The following CAB39 variants were observed in gnomAD, a reference collection of about 807,000 sequenced individuals.
CAB39 encodes the protein calcium binding protein 39.
In CAB39, 8 loss-of-function variants were observed where a neutral mutation model predicts 40.0. That is an observed-to-expected ratio of 0.20 (90% confidence interval 0.12 to 0.36). The LOEUF is 0.36. CAB39 is among the 10% of genes least tolerant of loss of function. The probability of loss-of-function intolerance (pLI) is 1.00; values close to 1 mark genes in which losing one functional copy is unlikely to be tolerated. For synonymous variants in CAB39, 156 were observed against 141.6 expected (o/e 1.10, Z -0.72); for missense variants, 270 against 401.1 (o/e 0.67, Z 2.79).
chr2:230,775,407 T>G (rs2124937094), intron 2 of CAB39, among the ~76,000 whole-genome samples: 1 of 152,086 alleles, frequency 6.6e-6, no homozygotes, highest in South Asian at 2.1e-4. Flanking sequence ...AGCTAATTTT[T>G]GTGTTTTTAG....
intron 5 of CAB39, among the ~76,000 whole-genome samples, chr2:230,808,429 AAC>A (rs1189528269): frequency 6.6e-6 from 1 of 152,192 alleles, no homozygotes; most frequent in African/African-American, 2.4e-5. Flanking sequence ...ATCAGCCATA[AAC>A]ACACCACAAT....
rs115791712 is a variant in CAB39 at position 230,774,876 on chromosome 2, G to A, written c.114+14761G>A. Among the ~76,000 whole-genome samples, 422 of 152,176 alleles carry A rather than the reference G, an allele frequency of 2.8e-3. 3 individuals are homozygous for A. The highest frequency in any genetic ancestry group is 9.6e-3 in the African/African-American group (397 of 41,514). On this transcript the variant is annotated intron_variant, in intron 2 of 8. Transcript: ENST00000258418. The stretch of plus-strand genomic sequence containing the variant: ...TTTCTTTAGTAAAGAGGTGGGGGTT[G>A]GGGGAGGTAGAAAGCATTTATCACT...
intron 1 of CAB39, among the ~76,000 whole-genome samples, chr2:230,717,801 G>A (rs1694377869): frequency 1.3e-5 from 2 of 152,172 alleles, no homozygotes; most frequent in East Asian, 1.9e-4. Flanking sequence ...TAAAACAGAA[G>A]GGGTGAGGGG....
chr2:230,728,909 G>A lies in CAB39; in HGVS notation c.-44+15679G>A, dbSNP rs564945380. ...ATTACAGGCATGAAGCATTGCACCC[G>A]GCCCCAGATGCACATACAGAAGCCA... On this transcript the variant is annotated intron_variant, in intron 1 of 8. Transcript: ENST00000258418. 2.0e-5 allele frequency among the ~76,000 whole-genome samples: 3 copies of A among 152,182 alleles called. No homozygotes were observed. The East Asian group carries it at 5.8e-4, about 29-fold the overall frequency.
At chr2:230,815,835 G>A (rs554666791) in intron 7 of CAB39, among the ~76,000 whole-genome samples, 4 of 152,184 alleles carry the variant, frequency 2.6e-5, no homozygotes, top group Non-Finnish European at 5.9e-5. Context: ...CACATGGAGC[G>A]GCTTCAGCAC....
chr2:230,724,755 T>G (rs1694528605), intron 1 of CAB39, among the ~76,000 whole-genome samples: 1 of 150,446 alleles, frequency 6.6e-6, no homozygotes, highest in Non-Finnish European at 1.5e-5. Flanking sequence ...TTTAATCTTT[T>G]TTTTTTTTTT....
chr2:230,749,511 A>T (rs1376647234), intron 1 of CAB39, among the ~76,000 whole-genome samples: 1 of 152,188 alleles, frequency 6.6e-6, no homozygotes, highest in Non-Finnish European at 1.5e-5. Flanking sequence ...TGTTCTCACT[A>T]CCCATTATTA....
chr2:230,818,672 G>A lies in CAB39; in HGVS notation c.994G>A (p.Asp332Asn). The A allele has an allele frequency of 6.2e-7, 1 of 1,614,086 alleles. No individual in the cohort carries two copies. Among genetic ancestry groups the A allele is most frequent in the Non-Finnish European group, 8.5e-7 (1 of 1,179,966 alleles). The change falls in exon 9 of 9, where the codon GAT becomes AAT. Residue 332 changes from aspartate to asparagine, a missense_variant. Transcript: ENST00000258418. ...GACCTATTTAGTTAAACAGATCAGG[G>A]ATTTGAAGAGACCAGCTCAGCAAGA... ...EKTYLVKQIR[D>N]LKRPAQQEA
In CAB39 at chr2:230,781,080, C is replaced by CAA. The variant is rs113164632; in HGVS notation, c.115-9780_115-9779dup. 7.2e-4 allele frequency among the ~76,000 whole-genome samples: 101 copies of CAA among 140,826 alleles called. 5 individuals are homozygous for CAA. The East Asian group carries it at 0.016, about 22-fold the overall frequency. 92.4% of individuals were successfully genotyped at this position (140,826 alleles called of 152,430 possible). A position where few individuals can be genotyped will look rare whatever the true frequency, so the allele number is the denominator to read the frequency against. On this transcript the variant is annotated intron_variant, in intron 2 of 8. Transcript: ENST00000258418. ...TGGGCAACAGAGCTGGACCTGATCT[C>CAA]AAAAAAAAAAAAATTATCTCGGGGG...
Position 230,810,270 on chromosome 2 carries a change from T to A in CAB39, c.575T>A (p.Leu192His). The A allele has an allele frequency of 6.9e-7, 1 of 1,448,308 alleles. No individual in the cohort carries two copies. The highest frequency in any genetic ancestry group is 9.5e-7 in the Non-Finnish European group (1 of 1,057,402). 89.7% of individuals were successfully genotyped at this position (1,448,308 alleles called of 1,614,324 possible). A position where few individuals can be genotyped will look rare whatever the true frequency, so the allele number is the denominator to read the frequency against. ...SDAFATFKDL[L>H]TRHKLLSAEF... ...TTTTTTTTCTTTTTGTAGGATTTAC[T>A]TACAAGACATAAATTGCTCAGTGCA... The change falls in exon 6 of 9, where the codon CTT becomes CAT. Residue 192 changes from leucine to histidine, a missense_variant. Leu to His is a moderately conservative substitution (Grantham distance 99). Coordinates refer to ENST00000258418, the MANE Select transcript of CAB39 (RefSeq NM_016289.4).
intron 2 of CAB39, among the ~76,000 whole-genome samples, chr2:230,790,146 C>T (rs2124955996): frequency 6.6e-6 from 1 of 152,050 alleles, no homozygotes; most frequent in South Asian, 2.1e-4. Flanking sequence ...TCTTAGCTAC[C>T]CAGGAGGATC....
intron 1 of CAB39, among the ~76,000 whole-genome samples, chr2:230,742,751 T>A (rs1475409609): frequency 6.6e-6 from 1 of 152,092 alleles, no homozygotes; most frequent in East Asian, 1.9e-4. Context: ...ATTAAAATAA[T>A]TGATCAGAGG....
chr2:230,715,646 T>G (rs961779790), intron 1 of CAB39, among the ~76,000 whole-genome samples: 1 of 152,208 alleles, frequency 6.6e-6, no homozygotes, highest in African/African-American at 2.4e-5. Context: ...GATATAAGCA[T>G]AGAATATTTC....
chr2:230,766,833 T>C (rs1023982966), intron 2 of CAB39, among the ~76,000 whole-genome samples: 3 of 151,998 alleles, frequency 2.0e-5, no homozygotes, highest in Admixed American at 2.0e-4. Flanking sequence ...GGCCTGGGGG[T>C]TACATTTCAG....
intron 1 of CAB39, among the ~76,000 whole-genome samples, chr2:230,732,645 A>G (rs1694714400): frequency 6.6e-6 from 1 of 152,180 alleles, no homozygotes; most frequent in Non-Finnish European, 1.5e-5. Flanking sequence ...AAATCGCTCA[A>G]AGATTCAGTA....
intron 1 of CAB39, among the ~76,000 whole-genome samples, chr2:230,726,768 A>G (rs1280173810): frequency 6.6e-6 from 1 of 151,850 alleles, no homozygotes; most frequent in African/African-American, 2.4e-5. Flanking sequence ...TTGTTCACAT[A>G]GTGATTGGAA....
chr2:230,788,527 TTTGTGAAGAATCA>T, intron 2 of CAB39, among the ~76,000 whole-genome samples: 1 of 152,350 alleles, frequency 6.6e-6, no homozygotes, highest in Admixed American at 6.5e-5. Flanking sequence ...TTTTCATTTC[TTTGTGAAGAATCA>T]TTTTTCTTCA....
Position 230,781,988 on chromosome 2 carries a change from C to G in CAB39, c.115-8884C>G, listed in dbSNP as rs143991472. On this transcript the variant is annotated intron_variant, in intron 2 of 8. Coordinates refer to ENST00000258418, the MANE Select transcript of CAB39 (RefSeq NM_016289.4). The stretch of plus-strand genomic sequence containing the variant: ...CAAGATAGTCTCGTGACTCAGCCTC[C>G]CAAGTAGCCAGGGCTACAGGCTCAT... 1.6e-4 allele frequency among the ~76,000 whole-genome samples: 25 copies of G among 152,300 alleles called. 1 individual carries two copies. The East Asian group carries it at 4.8e-3, about 29-fold the overall frequency.
At chr2:230,747,402 A>T (rs1694994811) in intron 1 of CAB39, among the ~76,000 whole-genome samples, 1 of 152,226 alleles carries the variant, frequency 6.6e-6, no homozygotes, top group Non-Finnish European at 1.5e-5. Flanking sequence ...TGCCCATGGA[A>T]CTGTTTCCTC....
Sources: allele counts gnomAD v4.1 joint callset (sites outside exome capture counted in the v4.1 genomes callset), GRCh38; gene constraint gnomAD v4.1.1; transcripts MANE v1.5; gene names NCBI Gene and HGNC (gene_info 2026-07-23, HGNC 2026-07-21).